The following PLXDC1 variants were observed in gnomAD, a reference collection of about 807,000 sequenced individuals.
PLXDC1 encodes the protein plexin domain-containing protein 1.
A neutral mutation model predicts 61.3 loss-of-function variants in PLXDC1; 39 were observed. The observed-to-expected ratio is 0.64, with a 90% confidence interval of 0.49 to 0.83. PLXDC1 has a LOEUF of 0.83. Among genes scored for constraint, PLXDC1 ranks in the 40% least tolerant of loss-of-function variants. The pLI is 0.00. For synonymous variants in PLXDC1, 212 were observed against 254.5 expected (o/e 0.83, Z 1.59); for missense variants, 596 against 666.5 (o/e 0.89, Z 1.17).
At chr17:39,079,708 C>A in intron 9 of PLXDC1, 2 of 374,612 alleles carry the variant, frequency 5.3e-6, no homozygotes, top group South Asian at 3.9e-5. Context: ...AGACACCAAG[C>A]GCCCCTGTAG....
chr17:39,103,542 A>G (rs1910495677), intron 7 of PLXDC1, among the ~76,000 whole-genome samples: 1 of 151,930 alleles, frequency 6.6e-6, no homozygotes, highest in Non-Finnish European at 1.5e-5. Context: ...AATAATAATA[A>G]TAATAATGAA....
chr17:39,078,627 G>C (rs1269884820), intron 10 of PLXDC1, among the ~76,000 whole-genome samples: 1 of 152,210 alleles, frequency 6.6e-6, no homozygotes, highest in Non-Finnish European at 1.5e-5. Context: ...TCAGTGTTGA[G>C]TGTACTGGAA....
At chr17:39,151,828 C>T (rs1360876048), upstream of PLXDC1, among the ~76,000 whole-genome samples, 1 of 152,170 alleles carries the variant, frequency 6.6e-6, no homozygotes, top group Admixed American at 6.5e-5. The surrounding 1 kb of genome is among the most constrained non-coding windows in gnomAD (Gnocchi z 5.2). Context: ...GCGGGAGCCC[C>T]TCGGGCTGAG....
intron 2 of PLXDC1, among the ~76,000 whole-genome samples, chr17:39,134,363 C>T (rs1341548803): frequency 6.6e-6 from 1 of 151,920 alleles, no homozygotes; most frequent in Non-Finnish European, 1.5e-5. Flanking sequence ...TGGTGGCTCA[C>T]GTCTGTAATC....
intron 7 of PLXDC1, among the ~76,000 whole-genome samples, chr17:39,102,340 G>C (rs997177838): frequency 3.9e-5 from 6 of 152,104 alleles, no homozygotes; most frequent in African/African-American, 1.4e-4. Context: ...TAGGTGACAG[G>C]CATGCCCACC....
intron 7 of PLXDC1, among the ~76,000 whole-genome samples, chr17:39,088,754 A>T (rs12150584): frequency 0.23 from 34,327 of 151,588 alleles, 4,460 homozygotes; most frequent in South Asian, 0.3. Flanking sequence ...CAGCCTGGCC[A>T]ACAGGGTTTT....
chr17:39,072,207 G>T, intron 12 of PLXDC1: 1 of 554,312 alleles, frequency 1.8e-6, no homozygotes, highest in South Asian at 2.2e-5. Context: ...GCCAGGAGAA[G>T]AACCACAGGA....
chr17:39,093,867 C>A (rs1351854447), intron 7 of PLXDC1, among the ~76,000 whole-genome samples: 2 of 152,160 alleles, frequency 1.3e-5, no homozygotes, highest in African/African-American at 4.8e-5. Context: ...TCTACAGAGT[C>A]ACTGTGGCTC....
intron 9 of PLXDC1, among the ~76,000 whole-genome samples, chr17:39,083,046 G>C (rs1441319499): frequency 6.6e-6 from 1 of 152,212 alleles, no homozygotes; most frequent in East Asian, 1.9e-4. Context: ...CTTTGTCTCT[G>C]AACTGGCAGT....
chr17:39,101,993 G>C (rs1055781959), intron 7 of PLXDC1, among the ~76,000 whole-genome samples: 3 of 152,170 alleles, frequency 2.0e-5, no homozygotes, highest in African/African-American at 7.2e-5. Context: ...TAGGAAGGTG[G>C]AGGAAGAAGA....
chr17:39,063,369 ACTTC>A lies in PLXDC1; in HGVS notation c.*4467_*4470del. 1.5e-6 allele frequency: 1 copy of A among 668,016 alleles called. No homozygotes were observed. The highest frequency in any genetic ancestry group is 2.7e-6 in the Non-Finnish European group (1 of 370,122). The allele number at this position is 668,016 out of a possible 1,614,324, so 41.4% of individuals were successfully genotyped here. A position where few individuals can be genotyped will look rare whatever the true frequency, so the allele number is the denominator to read the frequency against. On this transcript the variant is annotated 3_prime_UTR_variant, in exon 14 of 14. Transcript: ENST00000315392. ...CAGTAGATAAAAATGCATGGGGTTTACTTCCAGGGATTTACAGACCAATATAAGT... is the reference window on the plus strand; with the variant it reads ...CAGTAGATAAAAATGCATGGGGTTTACAGGGATTTACAGACCAATATAAGT...
At chr17:39,118,111 TC>T (rs1567766595) in intron 2 of PLXDC1, among the ~76,000 whole-genome samples, 1 of 121,792 alleles carries the variant, frequency 8.2e-6, no homozygotes, top group Non-Finnish European at 1.7e-5. Context: ...CCTTCCTTCC[TC>T]TCTCTCTCTC....
intron 7 of PLXDC1, among the ~76,000 whole-genome samples, chr17:39,092,172 A>C (rs1231124508): frequency 6.6e-6 from 1 of 151,874 alleles, no homozygotes; most frequent in Non-Finnish European, 1.5e-5. Flanking sequence ...TTGACCTCCC[A>C]GGCTCAGTAA....
At chr17:39,074,228 T>C (rs758312760) in intron 11 of PLXDC1, among the ~76,000 whole-genome samples, 1 of 152,152 alleles carries the variant, frequency 6.6e-6, no homozygotes, top group Non-Finnish European at 1.5e-5. Flanking sequence ...TTTTTTCTTA[T>C]AAACCAGGCA....
chr17:39,132,618 T>C (rs1567771279), intron 2 of PLXDC1, among the ~76,000 whole-genome samples: 1 of 152,062 alleles, frequency 6.6e-6, no homozygotes. Flanking sequence ...AGGTTCTGAA[T>C]TGGAAGGAGC....
chr17:39,132,079 G>C (rs1449111947), intron 2 of PLXDC1: 3 of 152,614 alleles, frequency 2.0e-5, no homozygotes, highest in Admixed American at 6.6e-5. Flanking sequence ...GGCCATGGGG[G>C]AGATTGGGAG....
In PLXDC1 at chr17:39,094,857, C is replaced by T. The variant is rs777472849; in HGVS notation, c.812-7155G>A. Among the ~76,000 whole-genome samples the T allele has an allele frequency of 1.2e-4, 18 of 152,124 alleles. No homozygotes were observed. The South Asian group carries it at 1.9e-3, about 16-fold the overall frequency. On this transcript the variant is annotated intron_variant, in intron 7 of 13. Coordinates refer to ENST00000315392, the MANE Select transcript of PLXDC1 (RefSeq NM_020405.5). ...AAAGACCACAGTAAACCAGACATGC[C>T]GCCTCCTAAGCTAGATCTCAAAGCG...
At chr17:39,103,781 G>T (rs929578543) in intron 7 of PLXDC1, among the ~76,000 whole-genome samples, 5 of 150,900 alleles carry the variant, frequency 3.3e-5, no homozygotes, top group Admixed American at 6.6e-5. Flanking sequence ...GGGAGGCAAA[G>T]GTTGCAGTGA....
Position 39,146,199 on chromosome 17 carries a change from T to C in PLXDC1, c.76+5163A>G, listed in dbSNP as rs565197579. 2.6e-5 allele frequency among the ~76,000 whole-genome samples: 4 copies of C among 151,890 alleles called. No homozygotes were observed. In the South Asian group the frequency reaches 8.3e-4, roughly 32 times the overall value. ...AATTCTCCTGCCTCACCATCCCAAG[T>C]AGCTGGGACTACAGGAGTGCGCCAC... On this transcript the variant is annotated intron_variant, in intron 1 of 13. Transcript: ENST00000315392.
Sources: gnomAD v4.1 joint callset for allele counts (sites outside exome capture counted in the v4.1 genomes callset) on GRCh38, gnomAD v4.1.1 for gene constraint, Gnocchi (gnomAD v3.1) non-coding constraint, MANE v1.5 for transcripts, NCBI Gene and HGNC (gene_info 2026-07-23, HGNC 2026-07-21) for gene names.